Variants in PCM1 observed in about 807,000 individuals in gnomAD.
PCM1 encodes the protein pericentriolar material 1 protein.
Under a neutral mutation model 241.9 loss-of-function variants are expected in PCM1, and 157 were observed. The ratio of observed to expected loss-of-function variants is 0.65; its 90% confidence interval spans 0.57 to 0.74. PCM1 has a LOEUF of 0.74. Ranked by LOEUF, PCM1 falls within the 30% of genes least tolerant of loss-of-function variation. The pLI is 0.00. For synonymous variants in PCM1, 1,085 were observed against 784.9 expected, an observed-to-expected ratio of 1.38 and a Z score of -6.39; for missense variants, 3,478 against 2,360.1, an observed-to-expected ratio of 1.47 and a Z score of -9.81.
At chr8:18,023,015 C>G (rs1490648042) in intron 36 of PCM1, among the ~76,000 whole-genome samples, 1 of 152,120 alleles carries the variant, frequency 6.6e-6, no homozygotes, top group East Asian at 1.9e-4. Context: ...CTATTTAAAT[C>G]ATAACCATTC....
chr8:17,930,837 G>A (rs1218644543), intron 2 of PCM1, among the ~76,000 whole-genome samples: 1 of 151,306 alleles, frequency 6.6e-6, no homozygotes, highest in Non-Finnish European at 1.5e-5. Context: ...CCCAGATGGC[G>A]CCACTGCACT....
chr8:18,020,710 CTCAGTT>C (rs2093682314), intron 36 of PCM1, among the ~76,000 whole-genome samples: 1 of 152,208 alleles, frequency 6.6e-6, no homozygotes, highest in African/African-American at 2.4e-5. Context: ...GGAATTCTTT[CTCAGTT>C]TAAGTCAGGA....
At chr8:17,990,237 T>G (rs563619693) in intron 27 of PCM1, among the ~76,000 whole-genome samples, 1 of 152,094 alleles carries the variant, frequency 6.6e-6, no homozygotes, top group East Asian at 1.9e-4. Context: ...TGTGAAAATA[T>G]AATGTAACTT....
At position 18,025,893 on chromosome 8, in the gene PCM1, G is replaced by A. The variant is rs188296997; in HGVS notation, c.6049+235G>A. ...AAATGTAGACATGCTGGCTGGGCGC[G>A]GTGGCTCACGCCTGTAATCCCAGCA... is the stretch of plus-strand genomic sequence containing the variant. On this transcript the variant is annotated intron_variant, in intron 38 of 38. Coordinates refer to ENST00000325083, the MANE Select transcript of PCM1 (RefSeq NM_006197.4). 1.4e-3 allele frequency among the ~76,000 whole-genome samples: 211 copies of A among 152,098 alleles called. 1 individual carries two copies. Among genetic ancestry groups the A allele is most frequent in the African/African-American group, 4.6e-3 (192 of 41,516 alleles).
rs754653148 is a variant in PCM1, at chr8:17,950,617, G to A, written c.964G>A (p.Val322Ile). The change falls in exon 8 of 39, where the codon GTT becomes ATT. Residue 322 changes from valine (V) to isoleucine (I), a missense_variant and splice_region_variant. By Grantham distance (29) the Val-to-Ile change is conservative (BLOSUM62 3). Coordinates refer to ENST00000325083, the MANE Select transcript of PCM1 (RefSeq NM_006197.4). ...QAIAVMDDSV[V>I]AETAGSLSGV... The stretch of plus-strand genomic sequence containing the variant: ...AGTAGTTACTAATTTCTTTCCAGTT[G>A]TTGCAGAAACTGCAGGTAGCTTATC... The A allele has an allele frequency of 3.2e-6, 5 of 1,551,650 alleles. No individual in the cohort carries two copies. Among genetic ancestry groups the A allele is most frequent in the Non-Finnish European group, 4.4e-6 (5 of 1,128,866 alleles).
At position 17,957,412 on chromosome 8, in the gene PCM1, C is replaced by A. The variant is rs1156682210; in HGVS notation, c.1795C>A (p.Pro599Thr). The A allele has an allele frequency of 1.9e-6, 3 of 1,612,262 alleles. No individual in the cohort carries two copies. The African/African-American group carries it at 4.0e-5, about 22-fold the overall frequency. The change falls in exon 12 of 39, where the codon CCT becomes ACT. Residue 599 changes from proline (P) to threonine (T), a missense_variant. Coordinates refer to ENST00000325083, the MANE Select transcript of PCM1 (RefSeq NM_006197.4). Reference protein sequence around the residue: ...AANIRALNMPPSLDCRYNREG... With the variant: ...AANIRALNMPTSLDCRYNREG... ...CAACATAAGGGCTCTAAACATGCCT[C>A]CTTCTTTAGGTATGACTGACTGTAT...
chr8:17,959,106 C>T (rs777218873), intron 13 of PCM1, among the ~76,000 whole-genome samples: 2 of 152,054 alleles, frequency 1.3e-5, no homozygotes, highest in Admixed American at 6.6e-5. Context: ...AGGTACATCA[C>T]TATGCACCTA....
chr8:17,938,779 G>C lies in PCM1; in HGVS notation c.382G>C (p.Ala128Pro). ...TGATTCCCAAGGTAGAGCAACAGCT[G>C]CTAACAACAAACGTCAGCTTAGTGA... The part of the protein sequence containing the change: ...GSDSQGRATA[A>P]NNKRQLSENR... The change falls in exon 5 of 39, where the codon GCT becomes CCT. Residue 128 changes from alanine (A) to proline (P), a missense_variant. Ala to Pro is a conservative substitution (Grantham distance 27). Transcript: ENST00000325083. 1.9e-6 allele frequency: 3 copies of C among 1,612,342 alleles called. No homozygotes were observed. Among genetic ancestry groups the C allele is most frequent in the Non-Finnish European group, 1.7e-6 (2 of 1,178,336 alleles).
rs375635025 is a variant in PCM1, at chr8:17,953,003, G to A, written c.1105G>A (p.Glu369Lys). 3.1e-6 allele frequency: 5 copies of A among 1,604,770 alleles called. No homozygotes were observed. Among genetic ancestry groups the A allele is most frequent in the African/African-American group, 1.3e-5 (1 of 74,764 alleles). The change falls in exon 9 of 39, where the codon GAA becomes AAA. Residue 369 changes from glutamate (E) to lysine (K), a missense_variant. Physicochemically the swap from Glu to Lys is moderately conservative, Grantham distance 56 (BLOSUM62 1). Coordinates refer to ENST00000325083, the MANE Select transcript of PCM1 (RefSeq NM_006197.4). Reference sequence around the variant, plus strand: ...TGTTCCAGACAATAGAAGACAGGCAGAAAGTCTTTCATTAACTAGGGAGGT... The same window carrying A: ...TGTTCCAGACAATAGAAGACAGGCAAAAAGTCTTTCATTAACTAGGGAGGT... ...PAVPDNRRQA[E>K]SLSLTREVSQ...
intron 29 of PCM1, among the ~76,000 whole-genome samples, chr8:18,003,219 G>A (rs887776941): frequency 2.0e-5 from 3 of 152,228 alleles, no homozygotes; most frequent in East Asian, 1.9e-4. Flanking sequence ...CATGCACATT[G>A]TAGACACTCA....
intron 6 of PCM1, among the ~76,000 whole-genome samples, chr8:17,942,380 T>A (rs1373043236): frequency 6.6e-6 from 1 of 151,556 alleles, no homozygotes; most frequent in Non-Finnish European, 1.5e-5. Flanking sequence ...GGCAGGAGAA[T>A]CGCTTCAACC....
Position 17,964,610 on chromosome 8 carries a change from TGAA to T in PCM1, c.2702_2704del (p.Glu901del), listed in dbSNP as rs757149191. The T allele has an allele frequency of 1.1e-5, 18 of 1,613,712 alleles. No individual in the cohort carries two copies. The highest frequency in any genetic ancestry group is 3.3e-5 in the Admixed American group (2 of 59,988). ...GAGGGTCTACCCAGTGTGCACTAGA[TGAA>T]GAAGGAGATGAAGACGGTTACCTTT... On this transcript the variant is annotated inframe_deletion, in exon 18 of 39. Coordinates refer to ENST00000325083, the MANE Select transcript of PCM1 (RefSeq NM_006197.4).
Position 17,939,798 on chromosome 8 carries a change from T to G in PCM1, c.720T>G (p.Thr240=). The part of the protein sequence containing the change: ...NERSANVERL[T]HLIDHLKEQE... ...GATCTGCTAATGTTGAGCGCCTTAC[T>G]CATCTAATAGATCACCTTAAAGAAC... The change falls in exon 6 of 39, where the codon ACT becomes ACG. Residue 240 remains threonine (T), a synonymous_variant. Coordinates refer to ENST00000325083, the MANE Select transcript of PCM1 (RefSeq NM_006197.4). 6.5e-7 allele frequency: 1 copy of G among 1,543,414 alleles called. No homozygotes were observed. The highest frequency in any genetic ancestry group is 8.8e-7 in the Non-Finnish European group (1 of 1,135,856).
intron 2 of PCM1, among the ~76,000 whole-genome samples, chr8:17,933,736 A>G (rs932694172): frequency 7.2e-5 from 11 of 151,852 alleles, no homozygotes; most frequent in African/African-American, 2.7e-4. Flanking sequence ...AAAAATACCT[A>G]CTCTTTAAGA....
intron 3 of PCM1, 134 bp from the exon 4 acceptor site, chr8:17,937,000 C>T (rs1463005622): frequency 3.2e-6 from 2 of 626,934 alleles, no homozygotes; most frequent in Middle Eastern, 4.3e-4. Context: ...AAATATTTGT[C>T]TCTAGGAGTA....
intron 32 of PCM1, among the ~76,000 whole-genome samples, chr8:18,010,993 A>G (rs139033389): frequency 1.3e-5 from 2 of 152,222 alleles, no homozygotes; most frequent in Non-Finnish European, 1.5e-5. Flanking sequence ...AAAGCCTACA[A>G]ATAATGCTTT....
At chr8:17,976,192 T>G (rs189569538) in intron 23 of PCM1, among the ~76,000 whole-genome samples, 1 of 152,330 alleles carries the variant, frequency 6.6e-6, no homozygotes, top group African/African-American at 2.4e-5. Context: ...GTCAACTTTT[T>G]GAATTTAGAC....
At chr8:17,929,796 T>C (rs1260153917) in intron 2 of PCM1, among the ~76,000 whole-genome samples, 1 of 152,236 alleles carries the variant, frequency 6.6e-6, no homozygotes, top group Non-Finnish European at 1.5e-5. Flanking sequence ...TGTATGTATG[T>C]AACTGTGATA....
rs925743054 is a variant in PCM1 at position 17,960,330 on chromosome 8, G to A, written c.2208G>A (p.Glu736=). 5 of 1,593,088 alleles carry A rather than the reference G, an allele frequency of 3.1e-6. No homozygotes were observed. The African/African-American group carries it at 6.8e-5, about 22-fold the overall frequency. Residue 736 remains glutamate, a synonymous_variant, in exon 15 of 39, where the codon GAG becomes GAA. Transcript: ENST00000325083. ...TTAATTGTAGAGAGAAATTTTATGA[G>A]GCTAAACTACAGCAGCAACAGAGAG... The part of the protein sequence containing the change: ...VNEKAREKFY[E]AKLQQQQREL...
Sources: allele counts gnomAD v4.1 joint callset (sites outside exome capture counted in the v4.1 genomes callset), GRCh38; gene constraint gnomAD v4.1.1; transcripts MANE v1.5; gene names NCBI Gene and HGNC (gene_info 2026-07-23, HGNC 2026-07-21).